Variants in PSME4 observed in about 807,000 individuals in gnomAD.
PSME4 encodes proteasome activator subunit 4.
In PSME4, 89 loss-of-function variants were observed where a neutral mutation model predicts 253.9. That is an observed-to-expected ratio of 0.35 (90% CI 0.30 to 0.42). The LOEUF is 0.42. Ranked by LOEUF, PSME4 falls within the 10% of genes least tolerant of loss-of-function variation. PSME4 has a pLI of 1.00. For synonymous variants in PSME4, 851 were observed against 759.2 expected, an observed-to-expected ratio of 1.12 and a Z score of -1.99; for missense variants, 2,014 against 2,195.2, an observed-to-expected ratio of 0.92 and a Z score of 1.65.
At chr2:53,908,118 A>G in intron 24 of PSME4, 1 of 527,344 alleles carries the variant, frequency 1.9e-6, no homozygotes, top group Non-Finnish European at 3.3e-6. Flanking sequence ...GGAAACAGGC[A>G]GAAGATTCTG....
intron 3 of PSME4, among the ~76,000 whole-genome samples, chr2:53,946,453 T>C (rs1669705773): frequency 6.6e-6 from 1 of 152,238 alleles, no homozygotes; most frequent in African/African-American, 2.4e-5. Flanking sequence ...CAATCTCATC[T>C]GAAATGGTGA....
In PSME4 at chr2:53,897,979, A is replaced by G. The variant is rs140085863; in HGVS notation, c.3497T>C (p.Ile1166Thr). The G allele has an allele frequency of 8.7e-6, 14 of 1,613,772 alleles. No individual in the cohort carries two copies. Among genetic ancestry groups the G allele is most frequent in the Admixed American group, 1.7e-5 (1 of 59,988 alleles). Reference sequence around the variant, plus strand: ...CAGTAGAGACAGAAGCCCAATGCCTATATGTTCAAATTTCCAGGGCCTTAA... The same window carrying G: ...CAGTAGAGACAGAAGCCCAATGCCTGTATGTTCAAATTTCCAGGGCCTTAA... ...QRNLPWKFEHIGIGLLSLLLR... is the reference protein window; with the variant it reads ...QRNLPWKFEHTGIGLLSLLLR... Residue 1166 changes from isoleucine to threonine, a missense_variant, in exon 31 of 47, where the codon ATA (isoleucine) becomes ACA (threonine). Transcript: ENST00000404125.
chr2:53,962,293 A>G (rs1453546812), intron 1 of PSME4, among the ~76,000 whole-genome samples: 1 of 151,664 alleles, frequency 6.6e-6, no homozygotes, highest in Non-Finnish European at 1.5e-5. Flanking sequence ...GGCGAAAGGG[A>G]TTCTCTAAAA....
At position 53,885,786 on chromosome 2, in the gene PSME4, A is replaced by C; in HGVS notation, c.4730-11T>G. On this transcript the variant is annotated splice_polypyrimidine_tract_variant and intron_variant, in intron 40 of 46. Transcript: ENST00000404125. ...TCAGCCATTTCAATACTATTTTGAA[A>C]ACAAAGATGCAGAGTAAGTCTTTGC... 6.3e-7 allele frequency: 1 copy of C among 1,591,330 alleles called. No homozygotes were observed.
At chr2:53,906,286 T>C (rs1298497791) in intron 26 of PSME4, among the ~76,000 whole-genome samples, 3 of 152,068 alleles carry the variant, frequency 2.0e-5, no homozygotes, top group Non-Finnish European at 4.4e-5. Context: ...GTCTTCCAAA[T>C]TTAAATAAAT....
chr2:53,901,338 G>C lies in PSME4; in HGVS notation c.3285+12C>G. On this transcript the variant is annotated intron_variant, in intron 28 of 46. Transcript: ENST00000404125. The stretch of plus-strand genomic sequence containing the variant: ...TACACTAAAACTTGAATGAAAGAAT[G>C]ATATTGCTTACTGTGAAGTCCAAGC... 1 of 1,591,838 alleles carries C rather than the reference G, an allele frequency of 6.3e-7. No homozygotes were observed. Among genetic ancestry groups the C allele is most frequent in the Non-Finnish European group, 8.6e-7 (1 of 1,159,870 alleles).
intron 46 of PSME4, 109 bp downstream of exon 46, chr2:53,865,976 A>T (rs1678545634): frequency 1.7e-6 from 2 of 1,188,260 alleles, no homozygotes; most frequent in South Asian, 1.7e-5. Context: ...CCGCCATCCA[A>T]CTTTATCTAA....
At position 53,875,631 on chromosome 2, in the gene PSME4, T is replaced by C. The variant is rs1461475838; in HGVS notation, c.4940A>G (p.Lys1647Arg). 1 of 1,601,578 alleles carries C rather than the reference T, an allele frequency of 6.2e-7. No homozygotes were observed. Among genetic ancestry groups the C allele is most frequent in the East Asian group, 2.2e-5 (1 of 44,776 alleles). The change falls in exon 42 of 47, where the codon AAA becomes AGA. Residue 1647 changes from lysine (K) to arginine (R), a missense_variant. Around this residue, in one of 4 missense-constraint regions of PSME4, gnomAD observed 403 missense variants for 556.1 expected, o/e 0.72. Coordinates refer to ENST00000404125, the MANE Select transcript of PSME4 (RefSeq NM_014614.3). ...AAATATTATAAACACTCTTACTTGT[T>C]TTAGCACCTGAAGTACCAAAGGCAC... ...HQVPLVLQVLKQTARSSSWHA... is the reference protein window; with the variant it reads ...HQVPLVLQVLRQTARSSSWHA...
chr2:53,893,878 A>G, intron 34 of PSME4, 79 bp from the exon 35 acceptor site: 1 of 1,455,776 alleles, frequency 6.9e-7, no homozygotes, highest in Non-Finnish European at 9.0e-7. Flanking sequence ...TAAAATTACA[A>G]GATTTTGATA....
rs764348986 is a variant in PSME4, at chr2:53,928,185, T to C, written c.1435A>G (p.Thr479Ala). ...CTCATCAACAGAGGTAGCATATGTG[T>C]AGGACCTTCAGGAAACCATCTGCCT... ...SGGRWFPEGP[T>A]HMLPLLMRAL... is the part of the protein sequence containing the mutation. Residue 479 changes from threonine (T) to alanine (A), a missense_variant, in exon 11 of 47, where the codon ACA becomes GCA. Thr to Ala is a moderately conservative substitution (Grantham distance 58, BLOSUM62 0). Coordinates refer to ENST00000404125, the MANE Select transcript of PSME4 (RefSeq NM_014614.3). 5.0e-6 allele frequency: 8 copies of C among 1,614,144 alleles called. No homozygotes were observed. Among genetic ancestry groups the C allele is most frequent in the South Asian group, 2.2e-5 (2 of 91,082 alleles).
At position 53,889,953 on chromosome 2, in the gene PSME4, C is replaced by G. The variant is rs552629062; in HGVS notation, c.4296+151G>C. ...GAGTTACCTCACTTAGAATAATAGT[C>G]TCTAATCCCATGGAAATAAAAAATA... On this transcript the variant is annotated intron_variant, in intron 37 of 46. Transcript: ENST00000404125. The G allele has an allele frequency of 3.3e-5, 21 of 633,972 alleles. No homozygotes were observed. The African/African-American group carries it at 3.9e-4, about 12-fold the overall frequency. 39.3% of individuals were successfully genotyped at this position (633,972 alleles called of 1,614,324 possible). A position where few individuals can be genotyped will look rare whatever the true frequency, so the allele number is the denominator to read the frequency against.
Position 53,926,020 on chromosome 2 carries a change from C to A in PSME4, c.1597G>T (p.Glu533Ter). Residue 533 changes from glutamate to a stop codon, truncating the protein, a stop_gained, in exon 13 of 47, where the codon GAA (glutamate) becomes TAA (stop). Transcript: ENST00000404125. LOFTEE classifies it high-confidence loss of function. ...LQERNDLTEV[E>*]RELCSATAEF... is the part of the protein sequence containing the mutation. Reference sequence around the variant, plus strand: ...GCTGTGGCTGAACAAAGTTCTCGTTCCACCTATAATATCCCAATATGGAGA... The same window carrying A: ...GCTGTGGCTGAACAAAGTTCTCGTTACACCTATAATATCCCAATATGGAGA... The A allele has an allele frequency of 1.2e-6, 2 of 1,611,572 alleles. No homozygotes were observed. Among genetic ancestry groups the A allele is most frequent in the Non-Finnish European group, 1.7e-6 (2 of 1,177,724 alleles).
chr2:53,878,594 G>T (rs984796445), intron 41 of PSME4, among the ~76,000 whole-genome samples: 1 of 152,220 alleles, frequency 6.6e-6, no homozygotes, highest in Non-Finnish European at 1.5e-5. Context: ...CCCTGAGAAA[G>T]AGAATGTGTC....
chr2:53,909,926 C>A (rs186899268), intron 21 of PSME4, 149 bp downstream of exon 21: 2 of 748,030 alleles, frequency 2.7e-6, no homozygotes, highest in Non-Finnish European at 4.8e-6. Context: ...GCAGAGATCG[C>A]GTCACCACAC....
At chr2:53,886,647 T>C (rs1036262573) in intron 40 of PSME4, among the ~76,000 whole-genome samples, 2 of 152,192 alleles carry the variant, frequency 1.3e-5, no homozygotes, top group East Asian at 3.8e-4. Flanking sequence ...CTGGCAGCTC[T>C]TCAAAAACTT....
chr2:53,921,313 G>A (rs539505790), intron 17 of PSME4, among the ~76,000 whole-genome samples: 3 of 151,752 alleles, frequency 2.0e-5, no homozygotes, highest in Non-Finnish European at 4.4e-5. Context: ...ATGCACCATA[G>A]TAACATCCCT....
intron 10 of PSME4, among the ~76,000 whole-genome samples, chr2:53,928,956 A>T (rs926244635): frequency 1.3e-5 from 2 of 152,156 alleles, no homozygotes; most frequent in Non-Finnish European, 2.9e-5. Flanking sequence ...ACCTAAGGTC[A>T]GGAGTTTGAG....
intron 8 of PSME4, chr2:53,933,245 G>C (rs1485169920): frequency 6.4e-6 from 1 of 156,742 alleles, no homozygotes; most frequent in African/African-American, 2.4e-5. Context: ...GGGCATGGTG[G>C]TGGGCGCCTA....
chr2:53,921,253 ATAAT>A (rs1194125874), intron 17 of PSME4, 149 bp from the exon 18 acceptor site: 5 of 1,233,082 alleles, frequency 4.1e-6, no homozygotes, highest in Admixed American at 2.7e-5. Context: ...CTGCATTCTA[ATAAT>A]TAATTGTTTT....
Sources: allele counts gnomAD v4.1 joint callset (sites outside exome capture counted in the v4.1 genomes callset), GRCh38; gene constraint gnomAD v4.1.1; regional missense constraint gnomAD v4.1.1; transcripts MANE v1.5; gene names NCBI Gene and HGNC (gene_info 2026-07-23, HGNC 2026-07-21).